Variants in ARAP1 observed in about 807,000 individuals in gnomAD.
ARAP1 encodes the protein arf-GAP with Rho-GAP domain, ANK repeat and PH domain-containing protein 1.
Under a neutral mutation model 172.2 loss-of-function variants are expected in ARAP1, and 76 were observed. That is an observed-to-expected ratio of 0.44 (90% CI 0.37 to 0.53). ARAP1 has a LOEUF of 0.53. Ranked by LOEUF, ARAP1 falls within the 20% of genes least tolerant of loss-of-function variation. The pLI, the probability that ARAP1 is intolerant of heterozygous loss-of-function variation, is 0.00. For missense variants in ARAP1, 1,686 were observed against 1,977.5 expected, an observed-to-expected ratio of 0.85 and a Z score of 2.80; for synonymous variants, 804 against 803.3, an observed-to-expected ratio of 1.00 and a Z score of -0.01.
rs760090317 is a variant in ARAP1 at position 72,699,372 on chromosome 11, T to G, written c.2438+45A>C. On this transcript the variant is annotated intron_variant, in intron 17 of 34. Transcript: ENST00000393609. This position sits in a 1 kb window ranked among gnomAD's most constrained non-coding sequence, Gnocchi z 4.2. ...TTTCCCTGTCTCCCCAGTGGGGGATTGTACCTTATAGCAACCACAGTCTGA... is the reference window on the plus strand; with the variant it reads ...TTTCCCTGTCTCCCCAGTGGGGGATGGTACCTTATAGCAACCACAGTCTGA... 2.5e-6 allele frequency: 4 copies of G among 1,612,496 alleles called. No homozygotes were observed. The South Asian group carries it at 3.3e-5, about 13-fold the overall frequency.
At chr11:72,698,279 T>A (rs370456070) in intron 18 of ARAP1, among the ~76,000 whole-genome samples, 173 bp from the exon 19 acceptor site, 46 of 152,242 alleles carry the variant, frequency 3.0e-4, no homozygotes, top group African/African-American at 1.1e-3. Context: ...CCCCACTTCA[T>A]ACCCACTCAG....
At chr11:72,696,839 C>T (rs2306613) in intron 22 of ARAP1, 144 bp downstream of exon 22, 868,780 of 976,896 alleles carry the variant, frequency 0.89, 388,674 homozygotes, top group African/African-American at 0.97. Context: ...CTGTATGGAG[C>T]GGCGATGGGA....
intron 2 of ARAP1, among the ~76,000 whole-genome samples, chr11:72,731,312 T>G (rs1012986960): frequency 6.6e-6 from 1 of 152,200 alleles, no homozygotes; most frequent in Admixed American, 6.5e-5. Flanking sequence ...GTGGACCTAG[T>G]GGGAGGTGTC....
At position 72,707,341 on chromosome 11, in the gene ARAP1, C is replaced by T; in HGVS notation, c.1557G>A (p.Gln519=). 1 of 1,613,464 alleles carries T rather than the reference C, an allele frequency of 6.2e-7. No individual in the cohort carries two copies. Among genetic ancestry groups the T allele is most frequent in the Non-Finnish European group, 8.5e-7 (1 of 1,179,770 alleles). ...TGGCTCCCTGCATGGCCTCCAACCA[C>T]TGCTCCTTCTCTAGCTCTGAGTCAG... is the stretch of plus-strand genomic sequence containing the variant. The part of the protein sequence containing the change: ...FSADSELEKE[Q]WLEAMQGAIA... Residue 519 remains glutamine (Q), a synonymous_variant, in exon 12 of 35, where the codon CAG becomes CAA. Coordinates refer to ENST00000393609, the MANE Select transcript of ARAP1 (RefSeq NM_001040118.3).
At chr11:72,696,715 C>A in intron 22 of ARAP1, 61 bp from the exon 23 acceptor site, 1 of 1,399,398 alleles carries the variant, frequency 7.1e-7, no homozygotes, top group Non-Finnish European at 9.7e-7. Flanking sequence ...CCCACCCCGC[C>A]TGGGCTGCTG....
intron 30 of ARAP1, among the ~76,000 whole-genome samples, chr11:72,692,495 C>T (rs189660008): frequency 1.3e-5 from 2 of 152,320 alleles, no homozygotes; most frequent in Non-Finnish European, 2.9e-5. Context: ...TCTTTAACTT[C>T]TACACTAAGT....
At position 72,741,783 on chromosome 11, in the gene ARAP1, G is replaced by A. The variant is rs368942712; in HGVS notation, c.-127-9186C>T. 7.9e-5 allele frequency among the ~76,000 whole-genome samples: 12 copies of A among 152,246 alleles called. No homozygotes were observed. Among genetic ancestry groups the A allele is most frequent in the African/African-American group, 2.9e-4 (12 of 41,528 alleles). Reference sequence around the variant, plus strand: ...ATACAGACCCTCACCACGTGCCCTGGGGGCCGAGGGCCAGCACCCACCCTG... The same window carrying A: ...ATACAGACCCTCACCACGTGCCCTGAGGGCCGAGGGCCAGCACCCACCCTG... On this transcript the variant is annotated intron_variant, in intron 1 of 34. Coordinates refer to ENST00000393609, the MANE Select transcript of ARAP1 (RefSeq NM_001040118.3). The surrounding 1 kb of genome is among the most constrained non-coding windows in gnomAD (Gnocchi z 4.5).
At position 72,709,913 on chromosome 11, in the gene ARAP1, C is replaced by T; in HGVS notation, c.1480G>A (p.Asp494Asn). Residue 494 changes from aspartate (D) to asparagine (N), a missense_variant, in exon 11 of 35, where the codon GAC becomes AAC. Coordinates refer to ENST00000393609, the MANE Select transcript of ARAP1 (RefSeq NM_001040118.3). ...GTGGTGAGGTCGAAGCTGCGCCGGTCCACTTCCTTCACGTTGCCCACGCTC... is the reference window on the plus strand; with the variant it reads ...GTGGTGAGGTCGAAGCTGCGCCGGTTCACTTCCTTCACGTTGCCCACGCTC... The part of the protein sequence containing the change: ...DMSVGNVKEV[D>N]RRSFDLTTPY... 3 of 1,614,112 alleles carry T rather than the reference C, an allele frequency of 1.9e-6. No individual in the cohort carries two copies. The highest frequency in any genetic ancestry group is 2.5e-6 in the Non-Finnish European group (3 of 1,180,024).
At chr11:72,746,268 C>T (rs1858361878) in intron 1 of ARAP1, among the ~76,000 whole-genome samples, 1 of 152,212 alleles carries the variant, frequency 6.6e-6, no homozygotes, top group Non-Finnish European at 1.5e-5. Context: ...CCCTCTGCTA[C>T]CACCTAGTCT....
At position 72,707,183 on chromosome 11, in the gene ARAP1, C is replaced by G. The variant is rs373853980; in HGVS notation, c.1715G>C (p.Arg572Pro). 3.1e-6 allele frequency: 5 copies of G among 1,589,930 alleles called. No individual in the cohort carries two copies. In the East Asian group the frequency reaches 9.2e-5, roughly 29 times the overall value. Residue 572 changes from arginine (R) to proline (P), a missense_variant, in exon 12 of 35, where the codon CGC becomes CCC. Arg to Pro is a moderately radical substitution (Grantham distance 103). Transcript: ENST00000393609. ...SINLCVVICK[R>P]CAGEHRGLGA... ...GACCCCCATGCACACACCTGCACAG[C>G]GCTTGCAGATAACAACACAGAGGTT... is the stretch of plus-strand genomic sequence containing the variant.
chr11:72,726,760 G>C lies in ARAP1; in HGVS notation c.369C>G (p.Cys123Trp). ...GGGTGGTGAAGCAGGTGGGCGGAAG[G>C]CAGCTCCTCCGGGGCGGGATGGGTG... ...AAPPIPPRRSCLPPTCFTTPS... is the reference protein window; with the variant it reads ...AAPPIPPRRSWLPPTCFTTPS... The change falls in exon 3 of 35, where the codon TGC becomes TGG. Residue 123 changes from cysteine (C) to tryptophan (W), a missense_variant. Cys to Trp is a radical substitution (Grantham distance 215). This residue lies in a region of ARAP1 where 190 missense variants were observed against 228.6 expected (regional missense o/e 0.83). Transcript: ENST00000393609. The surrounding 1 kb of genome is among the most constrained non-coding windows in gnomAD (Gnocchi z 6.5). 1 of 860,532 alleles carries C rather than the reference G, an allele frequency of 1.2e-6. No individual in the cohort carries two copies. Among genetic ancestry groups the C allele is most frequent in the Non-Finnish European group, 1.7e-6 (1 of 585,268 alleles). The allele number at this position is 860,532 out of a possible 1,614,324, so 53.3% of individuals were successfully genotyped here.
At chr11:72,708,398 C>T (rs984226019) in intron 11 of ARAP1, 2 of 152,312 alleles carry the variant, frequency 1.3e-5, no homozygotes, top group Non-Finnish European at 2.9e-5. Context: ...CTAAGTCTAC[C>T]TCTTTAGGGT....
chr11:72,690,444 T>C lies in ARAP1; in HGVS notation c.3988-1907A>G, dbSNP rs571571827. 9.5e-4 allele frequency among the ~76,000 whole-genome samples: 144 copies of C among 152,292 alleles called. No homozygotes were observed. In the Middle Eastern group the frequency reaches 0.01, roughly 11 times the overall value. ...AGAATGAATCCCCCAAGCTGGAGTG[T>C]AGTGGTGCAATCTCAGCTCACTGCA... is the stretch of plus-strand genomic sequence containing the variant. On this transcript the variant is annotated intron_variant, in intron 30 of 34. Coordinates refer to ENST00000393609, the MANE Select transcript of ARAP1 (RefSeq NM_001040118.3).
At chr11:72,738,901 A>T (rs577214864) in intron 1 of ARAP1, among the ~76,000 whole-genome samples, 15 of 152,188 alleles carry the variant, frequency 9.9e-5, no homozygotes, top group African/African-American at 3.4e-4. Context: ...ACAACCCCAC[A>T]GCCCAATACC....
rs192326695 is a variant in ARAP1, at chr11:72,694,908, G to C, written c.3694+72C>G. ...ACCCATCCTCATGTGCAGGGTAGGGGAGGACAGACTGGGGCTACAGCTGAG... is the reference window on the plus strand; with the variant it reads ...ACCCATCCTCATGTGCAGGGTAGGGCAGGACAGACTGGGGCTACAGCTGAG... On this transcript the variant is annotated intron_variant, in intron 27 of 34. Transcript: ENST00000393609. 4.3e-5 allele frequency: 58 copies of C among 1,347,978 alleles called. No homozygotes were observed. In the Admixed American group the frequency reaches 6.9e-4, roughly 16 times the overall value. The allele number at this position is 1,347,978 out of a possible 1,614,324, so 83.5% of individuals were successfully genotyped here. A position where few individuals can be genotyped will look rare whatever the true frequency, so the allele number is the denominator to read the frequency against.
In ARAP1 at chr11:72,695,052, C is replaced by T; in HGVS notation, c.3622G>A (p.Asp1208Asn). The change falls in exon 27 of 35, where the codon GAT (aspartate) becomes AAT (asparagine). Residue 1208 changes from aspartate (D) to asparagine (N), a missense_variant. Physicochemically the swap from Asp to Asn is conservative, Grantham distance 23. Around this residue, in one of 5 missense-constraint regions of ARAP1, gnomAD observed 379 missense variants for 500.1 expected, o/e 0.76. Transcript: ENST00000393609. This position sits in a 1 kb window ranked among gnomAD's most constrained non-coding sequence, Gnocchi z 4.4. The stretch of plus-strand genomic sequence containing the variant: ...TCCCTGATGCCCACGTTCCGGCGAT[C>T]CAGGATCTCCAGGGTGAGCTCCTCA... ...TAEELTLEIL[D>N]RRNVGIREKD... The T allele has an allele frequency of 6.2e-7, 1 of 1,614,150 alleles. No homozygotes were observed. Among genetic ancestry groups the T allele is most frequent in the South Asian group, 1.1e-5 (1 of 91,090 alleles).
In ARAP1 at chr11:72,695,109, AAGG is replaced by A. The variant is rs1393715654; in HGVS notation, c.3577-15_3577-13del. 5.6e-6 allele frequency: 9 copies of A among 1,613,212 alleles called. No individual in the cohort carries two copies. The highest frequency in any genetic ancestry group is 5.0e-5 in the Admixed American group (3 of 60,022). ...ATGGATGCTGGGACCTGCAAGGACCAAGGAGGAGATTAGCCTGCCTGTGCCTAG... is the reference window on the plus strand; with the variant it reads ...ATGGATGCTGGGACCTGCAAGGACCAAGGAGATTAGCCTGCCTGTGCCTAG... On this transcript the variant is annotated splice_polypyrimidine_tract_variant and intron_variant, in intron 26 of 34. Coordinates refer to ENST00000393609, the MANE Select transcript of ARAP1 (RefSeq NM_001040118.3). The surrounding 1 kb of genome is among the most constrained non-coding windows in gnomAD (Gnocchi z 4.4).
intron 3 of ARAP1, among the ~76,000 whole-genome samples, chr11:72,724,823 G>A (rs1857637064): frequency 6.6e-6 from 1 of 152,170 alleles, no homozygotes; most frequent in African/African-American, 2.4e-5. Flanking sequence ...TCTTAGCACA[G>A]AACAGATTTT....
rs367893392 is a variant in ARAP1, at chr11:72,692,814, A to C, written c.3955-29T>G. ...TTTGATAGAGGATCAGGGTTATGGA[A>C]GAAGTCCCAGGTCTAGAGCCAGGAC... On this transcript the variant is annotated intron_variant, in intron 29 of 34. Coordinates refer to ENST00000393609, the MANE Select transcript of ARAP1 (RefSeq NM_001040118.3). The C allele has an allele frequency of 2.4e-5, 39 of 1,612,756 alleles. No individual in the cohort carries two copies. In the African/African-American group the frequency reaches 4.5e-4, roughly 19 times the overall value.
Sources: allele counts gnomAD v4.1 joint callset (sites outside exome capture counted in the v4.1 genomes callset), GRCh38; gene constraint gnomAD v4.1.1; regional missense constraint gnomAD v4.1.1; non-coding constraint Gnocchi (gnomAD v3.1); transcripts MANE v1.5; gene names NCBI Gene and HGNC (gene_info 2026-07-23, HGNC 2026-07-21).